The following SWT1 variants were observed in gnomAD, a reference collection of about 807,000 sequenced individuals.
SWT1 encodes transcriptional protein SWT1.
In SWT1, 33 loss-of-function variants were observed where a neutral mutation model predicts 107.3. That is an observed-to-expected ratio of 0.31 (90% CI 0.23 to 0.41). The LOEUF (loss-of-function observed/expected upper bound fraction) is 0.41. Ranked by LOEUF, SWT1 falls within the 10% of genes least tolerant of loss-of-function variation. SWT1 has a pLI of 1.00. For missense variants in SWT1, 898 were observed against 1,028.9 expected (o/e 0.87, Z 1.74); for synonymous variants, 345 against 348.3 (o/e 0.99, Z 0.11).
At chr1:185,253,506 G>T (rs1425074088) in intron 16 of SWT1, among the ~76,000 whole-genome samples, 7 of 150,402 alleles carry the variant, frequency 4.7e-5, no homozygotes, top group Non-Finnish European at 7.4e-5. Context: ...CACATCCCTT[G>T]TAAGTTGGAT....
At chr1:185,288,196 G>T (rs139373125) in intron 18 of SWT1, among the ~76,000 whole-genome samples, 178 of 152,222 alleles carry the variant, frequency 1.2e-3, no homozygotes, top group African/African-American at 4.0e-3. Flanking sequence ...AACTTTAAAT[G>T]TAGAAAATGA....
intron 10 of SWT1, among the ~76,000 whole-genome samples, chr1:185,194,666 C>G (rs1394046560): frequency 6.6e-6 from 1 of 151,750 alleles, no homozygotes; most frequent in Non-Finnish European, 1.5e-5. Context: ...TTGCCTTTAT[C>G]AAATCTATTG....
At chr1:185,217,400 G>C (rs1343600001) in intron 14 of SWT1, among the ~76,000 whole-genome samples, 3 of 152,154 alleles carry the variant, frequency 2.0e-5, no homozygotes, top group Non-Finnish European at 4.4e-5. Flanking sequence ...AGTGGGATTA[G>C]ATTCTTATAG....
At chr1:185,186,784 C>G (rs1485606780) in intron 9 of SWT1, among the ~76,000 whole-genome samples, 2 of 150,378 alleles carry the variant, frequency 1.3e-5, no homozygotes, top group Non-Finnish European at 3.0e-5. Flanking sequence ...GATGGAGTCT[C>G]GCTCCCGTCA....
chr1:185,167,884 T>A (rs549954791), intron 3 of SWT1, among the ~76,000 whole-genome samples: 1 of 152,232 alleles, frequency 6.6e-6, no homozygotes, highest in African/African-American at 2.4e-5. Flanking sequence ...TTGAACTGTT[T>A]TAGCACTTTT....
intron 16 of SWT1, among the ~76,000 whole-genome samples, chr1:185,243,781 T>C (rs1429290525): frequency 6.6e-6 from 1 of 152,224 alleles, no homozygotes. Context: ...TTTATTACTA[T>C]TTAAATATAT....
At chr1:185,287,694 C>G (rs1037604896) in intron 18 of SWT1, among the ~76,000 whole-genome samples, 8 of 152,180 alleles carry the variant, frequency 5.3e-5, no homozygotes, top group African/African-American at 1.9e-4. Context: ...AATATTCTGT[C>G]ATTCTACAGA....
At chr1:185,288,025 T>A (rs1571721652) in intron 18 of SWT1, among the ~76,000 whole-genome samples, 1 of 152,184 alleles carries the variant, frequency 6.6e-6, no homozygotes, top group East Asian at 1.9e-4. Context: ...ACATGTGGAA[T>A]AAATAAGGAC....
chr1:185,227,283 G>T (rs1043055037), intron 15 of SWT1: 10 of 752,170 alleles, frequency 1.3e-5, no homozygotes, highest in Non-Finnish European at 2.2e-5. Context: ...AAAGGCACCT[G>T]GCTGACCATC....
rs77915199 is a variant in SWT1, at chr1:185,242,444, G to A, written c.2441+10736G>A. Among the ~76,000 whole-genome samples, 846 of 152,012 alleles carry A rather than the reference G, an allele frequency of 5.6e-3. 34 individuals carry two copies. The East Asian group carries it at 0.094, about 17-fold the overall frequency. The stretch of plus-strand genomic sequence containing the variant: ...CTAAAACTCTTATCTGTGTTTCCCA[G>A]CATTTGTCATTCAAGAATTGGAAAT... On this transcript the variant is annotated intron_variant, in intron 16 of 18. Coordinates refer to ENST00000367500, the MANE Select transcript of SWT1 (RefSeq NM_017673.7).
intron 16 of SWT1, among the ~76,000 whole-genome samples, chr1:185,238,153 A>C (rs1661025802): frequency 6.6e-6 from 1 of 151,898 alleles, no homozygotes; most frequent in African/African-American, 2.4e-5. Context: ...CAGTCAGCTA[A>C]TTTTTGTATT....
chr1:185,275,475 ATAC>A lies in SWT1; in HGVS notation c.2509-1126_2509-1124del, dbSNP rs544630497. Among the ~76,000 whole-genome samples the A allele has an allele frequency of 4.7e-5, 7 of 148,878 alleles. No homozygotes were observed. The South Asian group carries it at 1.5e-3, about 31-fold the overall frequency. ...TAAATAATACTAAATATATAAATAT[ATAC>A]TAATTTTAAGCAATATATCCATGTT... On this transcript the variant is annotated intron_variant, in intron 17 of 18. Transcript: ENST00000367500.
intron 16 of SWT1, among the ~76,000 whole-genome samples, chr1:185,253,213 G>A (rs1571623124): frequency 6.6e-6 from 1 of 150,690 alleles, no homozygotes; most frequent in Non-Finnish European, 1.5e-5. Flanking sequence ...AAGTCAGGTA[G>A]CGTGATACCT....
At position 185,174,362 on chromosome 1, in the gene SWT1, T is replaced by G; in HGVS notation, c.225-10T>G. On this transcript the variant is annotated splice_polypyrimidine_tract_variant and intron_variant, in intron 4 of 18. Coordinates refer to ENST00000367500, the MANE Select transcript of SWT1 (RefSeq NM_017673.7). ...TATAATGTAACCTAGGTTTCTGTGCTGTTTTACAGATTGAGTGTAGAAATT... is the reference window on the plus strand; with the variant it reads ...TATAATGTAACCTAGGTTTCTGTGCGGTTTTACAGATTGAGTGTAGAAATT... 6.6e-7 allele frequency: 1 copy of G among 1,520,714 alleles called. No individual in the cohort carries two copies. The highest frequency in any genetic ancestry group is 8.8e-7 in the Non-Finnish European group (1 of 1,141,422). 94.2% of individuals were successfully genotyped at this position (1,520,714 alleles called of 1,614,324 possible).
At chr1:185,194,239 A>G (rs980315758) in intron 10 of SWT1, among the ~76,000 whole-genome samples, 2 of 152,020 alleles carry the variant, frequency 1.3e-5, no homozygotes, top group African/African-American at 2.4e-5. Flanking sequence ...CCAATCTGAC[A>G]ATTTCTGTCT....
At chr1:185,257,890 G>T (rs1355477229) in intron 16 of SWT1, 1 of 151,958 alleles carries the variant, frequency 6.6e-6, no homozygotes, top group Non-Finnish European at 1.5e-5. Flanking sequence ...TCTTGTTTTT[G>T]TTTTATTATT....
chr1:185,260,771 A>G (rs1380169037), intron 16 of SWT1, among the ~76,000 whole-genome samples: 1 of 152,184 alleles, frequency 6.6e-6, no homozygotes, highest in East Asian at 1.9e-4. Flanking sequence ...AGTCAGTAGT[A>G]TAAATGTTTC....
At chr1:185,181,139 A>G (rs2102373244) in intron 6 of SWT1, among the ~76,000 whole-genome samples, 1 of 152,202 alleles carries the variant, frequency 6.6e-6, no homozygotes, top group South Asian at 2.1e-4. Context: ...ATGGTGGTAC[A>G]TGCATGTAAT....
At chr1:185,158,829 C>A (rs1025504331) in intron 1 of SWT1, among the ~76,000 whole-genome samples, 1 of 152,202 alleles carries the variant, frequency 6.6e-6, no homozygotes, top group African/African-American at 2.4e-5. Context: ...TCCACAGTTT[C>A]TGTGGGTCAG....
Sources: gnomAD v4.1 joint callset for allele counts (sites outside exome capture counted in the v4.1 genomes callset) on GRCh38, gnomAD v4.1.1 for gene constraint, MANE v1.5 for transcripts, NCBI Gene and HGNC (gene_info 2026-07-23, HGNC 2026-07-21) for gene names.